Variants in ANO2 observed in about 807,000 individuals in gnomAD.
ANO2 encodes the protein anoctamin 2, also known as anoctamin-2.
ANO2 carries 101 observed loss-of-function variants against 124.2 expected under a neutral mutation model. The ratio of observed to expected loss-of-function variants is 0.81; its 90% CI spans 0.69 to 0.96. The LOEUF (loss-of-function observed/expected upper bound fraction) is 0.96, where lower values mean the gene tolerates loss of function less well. Among genes scored for constraint, ANO2 ranks in the 40% least tolerant of loss-of-function variants. ANO2 has a pLI of 0.00. For synonymous variants in ANO2, 486 were observed against 482.5 expected (o/e 1.01, Z -0.09); for missense variants, 1,293 against 1,274.5 (o/e 1.01, Z -0.22).
At position 5,862,712 on chromosome 12, in the gene ANO2, C is replaced by A. The variant is rs546953013; in HGVS notation, c.535-8571G>T. On this transcript the variant is annotated intron_variant, in intron 3 of 24. Coordinates refer to ENST00000682330, the MANE Select transcript of ANO2 (RefSeq NM_001364791.2). The surrounding 1 kb of genome is among the most constrained non-coding windows in gnomAD (Gnocchi z 4.0). ...GTGGGAGGTAACTGAATCATGGGGGCGGTTTCCCCCATACTGTTCTCGTGG... is the reference window on the plus strand; with the variant it reads ...GTGGGAGGTAACTGAATCATGGGGGAGGTTTCCCCCATACTGTTCTCGTGG... 6.6e-6 allele frequency among the ~76,000 whole-genome samples: 1 copy of A among 152,122 alleles called. No individual in the cohort carries two copies. Among genetic ancestry groups the A allele is most frequent in the East Asian group, 1.9e-4 (1 of 5,194 alleles).
At chr12:5,631,216 C>T (rs960045169) in intron 16 of ANO2, among the ~76,000 whole-genome samples, 2 of 152,182 alleles carry the variant, frequency 1.3e-5, no homozygotes, top group African/African-American at 4.8e-5. Context: ...GATCAGCATC[C>T]AATGAATAGT....
intron 23 of ANO2, among the ~76,000 whole-genome samples, chr12:5,570,623 A>G (rs1489900805): frequency 6.6e-6 from 1 of 152,190 alleles, no homozygotes; most frequent in Non-Finnish European, 1.5e-5. Context: ...GCCACAATTC[A>G]TCACAACACA....
At chr12:5,825,693 C>T (rs1953933452) in intron 7 of ANO2, among the ~76,000 whole-genome samples, 1 of 152,204 alleles carries the variant, frequency 6.6e-6, no homozygotes, top group African/African-American at 2.4e-5. Flanking sequence ...AAGATGAAAT[C>T]AGTCTACTAC....
At chr12:5,926,123 A>G (rs1942067085) in intron 1 of ANO2, among the ~76,000 whole-genome samples, 1 of 152,232 alleles carries the variant, frequency 6.6e-6, no homozygotes, top group Non-Finnish European at 1.5e-5. Flanking sequence ...TCCACCAAAC[A>G]GTCAACGAGC....
chr12:5,647,003 C>G (rs1946671522), intron 15 of ANO2, among the ~76,000 whole-genome samples: 1 of 152,220 alleles, frequency 6.6e-6, no homozygotes. Flanking sequence ...TAGAAATGCT[C>G]TGAGCTGTGA....
At chr12:5,703,432 A>G (rs767619261) in intron 14 of ANO2, among the ~76,000 whole-genome samples, 7 of 152,206 alleles carry the variant, frequency 4.6e-5, no homozygotes, top group Non-Finnish European at 1.0e-4. Flanking sequence ...TGCTTCAATT[A>G]TATTTGTAAC....
chr12:5,668,047 A>G, intron 14 of ANO2, among the ~76,000 whole-genome samples: 1 of 152,220 alleles, frequency 6.6e-6, no homozygotes, highest in East Asian at 1.9e-4. Flanking sequence ...AGAATGATTT[A>G]TATTCCTTCG....
intron 3 of ANO2, among the ~76,000 whole-genome samples, chr12:5,864,470 T>C (rs1220667785): frequency 6.6e-6 from 1 of 152,196 alleles, no homozygotes; most frequent in Non-Finnish European, 1.5e-5. Context: ...AATGCTGCTG[T>C]TTCCTATTCA....
At chr12:5,759,152 C>CAAAA (rs34935879) in intron 10 of ANO2, among the ~76,000 whole-genome samples, 1 of 137,006 alleles carries the variant, frequency 7.3e-6, no homozygotes, top group Non-Finnish European at 1.6e-5. Context: ...CCAAAAGTTA[C>CAAAA]AAAAAAAAAA....
rs955721390 is a variant in ANO2 at position 5,562,999 on chromosome 12, G to A, written c.*300C>T. The A allele has an allele frequency of 3.4e-5, 13 of 384,046 alleles. No individual in the cohort carries two copies. Among genetic ancestry groups the A allele is most frequent in the Admixed American group, 8.0e-5 (2 of 25,140 alleles). The allele number at this position is 384,046 out of a possible 1,614,324, so 23.8% of individuals were successfully genotyped here. ...TGCCCCAGGGTACATGGGAATGCTC[G>A]CGGTGCCTGAGACTCTGGGGTGGAG... On this transcript the variant is annotated 3_prime_UTR_variant, in exon 25 of 25. Coordinates refer to ENST00000682330, the MANE Select transcript of ANO2 (RefSeq NM_001364791.2).
chr12:5,789,832 T>C (rs766492638), intron 10 of ANO2, among the ~76,000 whole-genome samples: 2 of 152,236 alleles, frequency 1.3e-5, no homozygotes, highest in Non-Finnish European at 2.9e-5. Context: ...GCGGTTGTTG[T>C]TGTAACGTGT....
chr12:5,588,106 G>A (rs1015287105), intron 20 of ANO2, among the ~76,000 whole-genome samples: 2 of 138,324 alleles, frequency 1.4e-5, no homozygotes, highest in Non-Finnish European at 1.5e-5. Context: ...CACCAGAGGC[G>A]GGGGGCAGCT....
At chr12:5,847,850 A>T (rs565915397) in intron 4 of ANO2, among the ~76,000 whole-genome samples, 13 of 152,374 alleles carry the variant, frequency 8.5e-5, no homozygotes, top group South Asian at 4.1e-4. Context: ...CTTAATAGCA[A>T]TTACATATGT....
At chr12:5,806,135 C>A (rs752984514) in intron 8 of ANO2, 42 bp from the exon 9 acceptor site, 1 of 1,586,270 alleles carries the variant, frequency 6.3e-7, no homozygotes, top group Non-Finnish European at 8.6e-7. Flanking sequence ...AATGAAATTA[C>A]CAGAAGCAGG....
intron 14 of ANO2, among the ~76,000 whole-genome samples, chr12:5,689,599 G>T (rs570880598): frequency 1.3e-5 from 2 of 152,052 alleles, no homozygotes; most frequent in Non-Finnish European, 2.9e-5. Context: ...CGCTGTGACG[G>T]GTTCTATCTT....
chr12:5,657,823 G>GAC (rs1947237209), intron 14 of ANO2, among the ~76,000 whole-genome samples: 1 of 93,296 alleles, frequency 1.1e-5, no homozygotes, highest in Non-Finnish European at 2.5e-5. Flanking sequence ...CTCACAGAAT[G>GAC]GCATGTTCAA....
intron 14 of ANO2, among the ~76,000 whole-genome samples, chr12:5,714,633 C>T (rs1227932031): frequency 6.6e-6 from 1 of 152,176 alleles, no homozygotes; most frequent in Non-Finnish European, 1.5e-5. Flanking sequence ...GCTCCTCTTT[C>T]TCCTCCTATT....
At chr12:5,827,528 C>T (rs931997594) in intron 7 of ANO2, among the ~76,000 whole-genome samples, 3 of 152,174 alleles carry the variant, frequency 2.0e-5, no homozygotes, top group African/African-American at 7.2e-5. Flanking sequence ...AGAGAAAGCC[C>T]GGAGACCTGG....
intron 12 of ANO2, among the ~76,000 whole-genome samples, chr12:5,743,840 C>T: frequency 6.6e-6 from 1 of 152,104 alleles, no homozygotes; most frequent in East Asian, 1.9e-4. Flanking sequence ...AGTCAGTGCA[C>T]CTGCAGGAGT....
Sources: allele counts gnomAD v4.1 joint callset (sites outside exome capture counted in the v4.1 genomes callset), GRCh38; gene constraint gnomAD v4.1.1; non-coding constraint Gnocchi (gnomAD v3.1); transcripts MANE v1.5; gene names NCBI Gene and HGNC (gene_info 2026-07-23, HGNC 2026-07-21).